The following MSRB3 variants were observed in gnomAD, a reference collection of about 807,000 sequenced individuals.
MSRB3 encodes the protein methionine sulfoxide reductase B3.
Under a neutral mutation model 21.0 loss-of-function variants are expected in MSRB3, and 13 were observed. That is an observed-to-expected ratio of 0.62 (90% CI 0.40 to 0.98). MSRB3 has a LOEUF of 0.98. Ranked by LOEUF, MSRB3 falls within the 50% of genes least tolerant of loss-of-function variation. The pLI is 0.00. For missense variants in MSRB3, 199 were observed against 230.3 expected, an observed-to-expected ratio of 0.86 and a Z score of 0.88; for synonymous variants, 87 against 88.6, an observed-to-expected ratio of 0.98 and a Z score of 0.10.
intron 5 of MSRB3, among the ~76,000 whole-genome samples, chr12:65,393,564 G>C (rs999639896): frequency 1.3e-5 from 2 of 151,120 alleles, no homozygotes; most frequent in Non-Finnish European, 2.9e-5. Flanking sequence ...CTGGGAGGCG[G>C]AGCTTGCGGT....
At chr12:65,458,086 A>C (rs990488287) in intron 6 of MSRB3, among the ~76,000 whole-genome samples, 3 of 152,172 alleles carry the variant, frequency 2.0e-5, no homozygotes, top group African/African-American at 7.2e-5. Flanking sequence ...CCTTTTGGTA[A>C]AGATGGAATA....
At chr12:65,398,922 T>G (rs1879963191) in intron 5 of MSRB3, among the ~76,000 whole-genome samples, 1 of 152,136 alleles carries the variant, frequency 6.6e-6, no homozygotes. Flanking sequence ...GTTGTAGGTG[T>G]GTGGCGTTAT....
intron 5 of MSRB3, among the ~76,000 whole-genome samples, chr12:65,425,542 C>CTTTTGTTT (rs1450428334): frequency 3.3e-5 from 5 of 151,920 alleles, no homozygotes; most frequent in African/African-American, 1.2e-4. Context: ...TTTATGACTA[C>CTTTTGTTT]TATGAGACTT....
Position 65,442,860 on chromosome 12 carries a change from T to C in MSRB3, c.293-10868T>C, listed in dbSNP as rs2136683412. On this transcript the variant is annotated intron_variant, in intron 5 of 6. Coordinates refer to ENST00000308259, the MANE Select transcript of MSRB3 (RefSeq NM_001031679.3). ...ATGCTAAAGGTCTACAACTGACTTC[T>C]GTGTAAGATGTATTTTTAAAAACAT... 2.0e-5 allele frequency among the ~76,000 whole-genome samples: 3 copies of C among 152,240 alleles called. 1 individual carries two copies. Among genetic ancestry groups the C allele is most frequent in the Admixed American group, 2.0e-4 (3 of 15,268 alleles).
At chr12:65,319,094 C>G (rs1470656927) in intron 2 of MSRB3, among the ~76,000 whole-genome samples, 1 of 152,058 alleles carries the variant, frequency 6.6e-6, no homozygotes, top group Non-Finnish European at 1.5e-5. Context: ...ACGTTAATAA[C>G]CTTTCAGTAC....
chr12:65,319,634 T>G (rs1306832220), intron 2 of MSRB3, among the ~76,000 whole-genome samples: 1 of 152,200 alleles, frequency 6.6e-6, no homozygotes, highest in Non-Finnish European at 1.5e-5. Context: ...TATTTATTTT[T>G]AACTTTCCAG....
intron 4 of MSRB3, among the ~76,000 whole-genome samples, chr12:65,361,010 T>G (rs74502078): frequency 0.015 from 2,215 of 152,270 alleles, 63 homozygotes; most frequent in African/African-American, 0.051. Context: ...GGCATCCATA[T>G]TAAAGTTTCG....
At chr12:65,308,866 C>A in intron 2 of MSRB3, 1 of 651,792 alleles carries the variant, frequency 1.5e-6, no homozygotes, top group Non-Finnish European at 2.7e-6. Context: ...TGTCCAGTTT[C>A]CTTGCCCAGT....
At chr12:65,387,184 C>T (rs372037109) in intron 5 of MSRB3, among the ~76,000 whole-genome samples, 1 of 151,942 alleles carries the variant, frequency 6.6e-6, no homozygotes, top group Non-Finnish European at 1.5e-5. Context: ...AAAAAATCAG[C>T]AACATGAATA....
At chr12:65,444,227 A>G (rs978853119) in intron 5 of MSRB3, among the ~76,000 whole-genome samples, 4 of 152,218 alleles carry the variant, frequency 2.6e-5, no homozygotes, top group Non-Finnish European at 5.9e-5. Flanking sequence ...TTAAAGCTCC[A>G]GCCATATTGA....
In MSRB3 at chr12:65,419,224, C is replaced by T. The variant is rs1006748070; in HGVS notation, c.293-34504C>T. ...CTGCTGAGACCAGTATTTGTCCAGC[C>T]CTTCTCAGTTCTTCCGAGCCAGCTC... On this transcript the variant is annotated intron_variant, in intron 5 of 6. Coordinates refer to ENST00000308259, the MANE Select transcript of MSRB3 (RefSeq NM_001031679.3). The T allele has an allele frequency of 4.2e-6, 3 of 719,366 alleles. No homozygotes were observed. The African/African-American group carries it at 5.2e-5, about 12-fold the overall frequency. The allele number at this position is 719,366 out of a possible 1,614,324, so 44.6% of individuals were successfully genotyped here.
chr12:65,376,595 C>T (rs1157839657), intron 5 of MSRB3, among the ~76,000 whole-genome samples: 2 of 151,890 alleles, frequency 1.3e-5, no homozygotes, highest in East Asian at 1.9e-4. Context: ...AAACCAAACA[C>T]TGCATGTTCT....
chr12:65,304,589 T>G (rs1334883235), intron 1 of MSRB3, among the ~76,000 whole-genome samples: 1 of 152,182 alleles, frequency 6.6e-6, no homozygotes, highest in Non-Finnish European at 1.5e-5. Context: ...GTAAATGTCA[T>G]TCATCCATGT....
At chr12:65,427,090 A>T (rs528546587) in intron 5 of MSRB3, among the ~76,000 whole-genome samples, 35 of 152,208 alleles carry the variant, frequency 2.3e-4, no homozygotes, top group African/African-American at 7.9e-4. Flanking sequence ...TGGTAGTGGT[A>T]TGTCTCCCTG....
intron 5 of MSRB3, among the ~76,000 whole-genome samples, chr12:65,449,324 T>TCTC (rs1882759928): frequency 6.6e-6 from 1 of 151,958 alleles, no homozygotes; most frequent in Admixed American, 6.6e-5. Context: ...GAGTCAGGAC[T>TCTC]CTAAGTTTCA....
chr12:65,445,154 T>G (rs1882555681), intron 5 of MSRB3, among the ~76,000 whole-genome samples: 1 of 152,114 alleles, frequency 6.6e-6, no homozygotes, highest in Non-Finnish European at 1.5e-5. Context: ...CCTGCCCTTC[T>G]TCACTGCCCT....
At chr12:65,459,833 G>A (rs1323120735) in intron 6 of MSRB3, among the ~76,000 whole-genome samples, 1 of 152,188 alleles carries the variant, frequency 6.6e-6, no homozygotes, top group Non-Finnish European at 1.5e-5. Context: ...GAGAACTGCA[G>A]TCAGATTTTA....
At chr12:65,360,079 G>A (rs1383911227) in intron 4 of MSRB3, among the ~76,000 whole-genome samples, 1 of 152,068 alleles carries the variant, frequency 6.6e-6, no homozygotes, top group Admixed American at 6.6e-5. Flanking sequence ...CCTTGTCTCT[G>A]TGTGTGTCTG....
At chr12:65,336,428 G>T (rs966365544) in intron 4 of MSRB3, among the ~76,000 whole-genome samples, 1 of 152,156 alleles carries the variant, frequency 6.6e-6, no homozygotes, top group Non-Finnish European at 1.5e-5. Flanking sequence ...AAATACCTAG[G>T]TGTGTGAAGT....
Sources: allele counts gnomAD v4.1 joint callset (sites outside exome capture counted in the v4.1 genomes callset), GRCh38; gene constraint gnomAD v4.1.1; transcripts MANE v1.5; gene names NCBI Gene and HGNC (gene_info 2026-07-23, HGNC 2026-07-21).